ATRNL1: variants seen among roughly 807,000 people sequenced by gnomAD.
ATRNL1 encodes attractin like 1, also known as attractin-like protein 1.
A neutral mutation model predicts 182.7 loss-of-function variants in ATRNL1; 95 were observed. The observed-to-expected ratio is 0.52, with a 90% CI of 0.44 to 0.62. The LOEUF is 0.62. Among genes scored for constraint, ATRNL1 ranks in the 20% least tolerant of loss-of-function variants. The pLI, the probability that ATRNL1 is intolerant of heterozygous loss-of-function variation, is 0.00. For missense variants in ATRNL1, 1,471 were observed against 1,679.5 expected (o/e 0.88, Z 2.17); for synonymous variants, 576 against 568.3 (o/e 1.01, Z -0.19).
intron 25 of ATRNL1, among the ~76,000 whole-genome samples, chr10:115,526,295 T>G (rs1554986539): frequency 6.6e-6 from 1 of 152,180 alleles, no homozygotes; most frequent in Non-Finnish European, 1.5e-5. Flanking sequence ...TGCTGGTCAT[T>G]CATGTTGGCA....
chr10:115,797,893 G>A (rs1252434027), intron 27 of ATRNL1, among the ~76,000 whole-genome samples: 1 of 152,168 alleles, frequency 6.6e-6, no homozygotes, highest in African/African-American at 2.4e-5. Flanking sequence ...ATACTTCAGT[G>A]AGACAGTCTA....
At chr10:115,422,662 C>A (rs648830) in intron 20 of ATRNL1, among the ~76,000 whole-genome samples, 57,827 of 151,962 alleles carry the variant, frequency 0.38, 12,188 homozygotes, top group African/African-American at 0.57. Context: ...TACCATTTGA[C>A]CCAGCAATGG....
intron 26 of ATRNL1, among the ~76,000 whole-genome samples, chr10:115,609,169 A>G (rs1857021401): frequency 6.6e-6 from 1 of 152,136 alleles, no homozygotes; most frequent in Non-Finnish European, 1.5e-5. Flanking sequence ...TAAAGATATA[A>G]TTGTAATAGA....
rs148345071 is a variant in ATRNL1 at position 115,571,102 on chromosome 10, C to T, written c.3795+21566C>T. Reference sequence around the variant, plus strand: ...TTGGCTAAGGACCTCAATTTTCCTCCATATGGGCCTATCCATATAGCCGCT... The same window carrying T: ...TTGGCTAAGGACCTCAATTTTCCTCTATATGGGCCTATCCATATAGCCGCT... On this transcript the variant is annotated intron_variant, in intron 26 of 28. Transcript: ENST00000355044. Among the ~76,000 whole-genome samples the T allele has an allele frequency of 2.2e-3, 340 of 152,312 alleles. 2 individuals are homozygous for T. The highest frequency in any genetic ancestry group is 7.5e-3 in the African/African-American group (312 of 41,572).
intron 24 of ATRNL1, among the ~76,000 whole-genome samples, chr10:115,469,990 T>G (rs546490791): frequency 6.6e-6 from 1 of 150,770 alleles, no homozygotes; most frequent in Non-Finnish European, 1.5e-5. Context: ...CCTTTACAAC[T>G]GATTGATTAG....
intron 8 of ATRNL1, among the ~76,000 whole-genome samples, chr10:115,203,200 A>T (rs1201379977): frequency 5.9e-5 from 9 of 152,168 alleles, no homozygotes; most frequent in Admixed American, 5.9e-4. Flanking sequence ...TTCTTTTATT[A>T]TGGCCATCTA....
At chr10:115,357,551 A>G (rs1398831441) in intron 19 of ATRNL1, among the ~76,000 whole-genome samples, 1 of 151,708 alleles carries the variant, frequency 6.6e-6, no homozygotes, top group Non-Finnish European at 1.5e-5. Flanking sequence ...TCCTTAATAT[A>G]TTATTTAGGA....
chr10:115,606,311 T>C (rs1461883182), intron 26 of ATRNL1, among the ~76,000 whole-genome samples: 1 of 152,014 alleles, frequency 6.6e-6, no homozygotes, highest in Non-Finnish European at 1.5e-5. Flanking sequence ...CTGCCAAAGC[T>C]GTTAATGGGA....
At chr10:115,328,876 G>A (rs1456220054) in intron 18 of ATRNL1, among the ~76,000 whole-genome samples, 1 of 151,888 alleles carries the variant, frequency 6.6e-6, no homozygotes, top group Non-Finnish European at 1.5e-5. Flanking sequence ...TTGGTATTTA[G>A]GTTGATCCTA....
intron 24 of ATRNL1, among the ~76,000 whole-genome samples, chr10:115,498,248 G>A (rs550081642): frequency 1.9e-4 from 29 of 151,926 alleles, no homozygotes; most frequent in African/African-American, 7.0e-4. Context: ...GGTATAAAAG[G>A]CCTTCCAAAT....
At chr10:115,722,838 G>T (rs1555058229) in intron 26 of ATRNL1, among the ~76,000 whole-genome samples, 1 of 152,002 alleles carries the variant, frequency 6.6e-6, no homozygotes, top group South Asian at 2.1e-4. Context: ...TGCAAGACAG[G>T]TCCACAAAAC....
At chr10:115,933,641 TCAAGAGA>T (rs1953471130) in intron 28 of ATRNL1, among the ~76,000 whole-genome samples, 2 of 152,204 alleles carry the variant, frequency 1.3e-5, no homozygotes, top group Non-Finnish European at 2.9e-5. Flanking sequence ...GAGAAATTTC[TCAAGAGA>T]CATGCTGAAT....
At chr10:115,523,640 A>G (rs912598773) in intron 25 of ATRNL1, among the ~76,000 whole-genome samples, 1 of 152,230 alleles carries the variant, frequency 6.6e-6, no homozygotes, top group Non-Finnish European at 1.5e-5. Context: ...TTGACAGGGC[A>G]TAACAAAGGT....
chr10:115,308,287 A>T (rs143938282), intron 17 of ATRNL1, among the ~76,000 whole-genome samples: 1,787 of 152,246 alleles, frequency 0.012, 32 homozygotes, highest in African/African-American at 0.04. Context: ...TTTTGGGTAG[A>T]CAGATATTCT....
chr10:115,628,618 C>T (rs145518274), intron 26 of ATRNL1, among the ~76,000 whole-genome samples: 40 of 152,042 alleles, frequency 2.6e-4, no homozygotes, highest in African/African-American at 8.4e-4. Context: ...TTGTTGCTTG[C>T]GCTTTTGGTG....
chr10:115,609,556 C>T (rs1166595934), intron 26 of ATRNL1, among the ~76,000 whole-genome samples: 1 of 152,088 alleles, frequency 6.6e-6, no homozygotes, highest in African/African-American at 2.4e-5. Flanking sequence ...CCTTTAAGAA[C>T]TCACATTTTA....
chr10:115,137,597 G>A (rs1239860437), intron 5 of ATRNL1, among the ~76,000 whole-genome samples: 1 of 152,196 alleles, frequency 6.6e-6, no homozygotes, highest in Admixed American at 6.5e-5. Flanking sequence ...AGCTTGTACA[G>A]GGAAGCTCCC....
chr10:115,606,122 G>C (rs1235604942), intron 26 of ATRNL1, among the ~76,000 whole-genome samples: 2 of 151,988 alleles, frequency 1.3e-5, no homozygotes, highest in Non-Finnish European at 2.9e-5. Context: ...ATGTATTAGG[G>C]ATGATTTGGA....
chr10:115,718,980 T>G (rs1947337121), intron 26 of ATRNL1, among the ~76,000 whole-genome samples: 1 of 152,180 alleles, frequency 6.6e-6, no homozygotes, highest in South Asian at 2.1e-4. Context: ...GGGCATGCAG[T>G]AGGAGCTCAG....
Sources: gnomAD v4.1 joint callset for allele counts (sites outside exome capture counted in the v4.1 genomes callset) on GRCh38, gnomAD v4.1.1 for gene constraint, MANE v1.5 for transcripts, NCBI Gene and HGNC (gene_info 2026-07-23, HGNC 2026-07-21) for gene names.